RBMS1: variants seen among roughly 807,000 people sequenced by gnomAD.
RBMS1 encodes the protein RNA binding motif single stranded interacting protein 1, also known as RNA-binding motif, single-stranded-interacting protein 1.
A neutral mutation model predicts 62.3 loss-of-function variants in RBMS1; 17 were observed. The ratio of observed to expected loss-of-function variants is 0.27; its 90% confidence interval spans 0.19 to 0.41. The LOEUF is 0.41. RBMS1 is among the 10% of genes least tolerant of loss of function. The probability of loss-of-function intolerance (pLI) is 1.00; values close to 1 mark genes in which losing one functional copy is unlikely to be tolerated. For synonymous variants in RBMS1, 172 were observed against 170.0 expected, an observed-to-expected ratio of 1.01 and a Z score of -0.09; for missense variants, 334 against 504.5, an observed-to-expected ratio of 0.66 and a Z score of 3.24.
At chr2:160,456,071 CAG>C (rs1021986202) in intron 1 of RBMS1, among the ~76,000 whole-genome samples, 25 of 152,246 alleles carry the variant, frequency 1.6e-4, no homozygotes, top group African/African-American at 3.1e-4. Context: ...ACAGATCAAA[CAG>C]GGGAGCAGAG....
rs571344948 is a variant in RBMS1 at position 160,319,586 on chromosome 2, C to T, written c.252-1359G>A. ...TTTAACTTACTCGATGCATCTGAGTCTCACGTTTCCTCATTTACAGTCTAC... is the reference window on the plus strand; with the variant it reads ...TTTAACTTACTCGATGCATCTGAGTTTCACGTTTCCTCATTTACAGTCTAC... On this transcript the variant is annotated intron_variant, in intron 2 of 13. Transcript: ENST00000348849. 4.6e-5 allele frequency among the ~76,000 whole-genome samples: 7 copies of T among 152,336 alleles called. No individual in the cohort carries two copies. The East Asian group carries it at 9.6e-4, about 21-fold the overall frequency.
intron 2 of RBMS1, among the ~76,000 whole-genome samples, chr2:160,365,039 G>A (rs908742605): frequency 1.3e-5 from 2 of 152,072 alleles, no homozygotes; most frequent in Non-Finnish European, 2.9e-5. Flanking sequence ...GCTCTAGCAT[G>A]AGTCCCTTCC....
chr2:160,425,377 TAAAAG>T (rs1214155150), intron 1 of RBMS1, among the ~76,000 whole-genome samples: 3 of 152,214 alleles, frequency 2.0e-5, no homozygotes, highest in Non-Finnish European at 4.4e-5. Context: ...AAAGGCTAAC[TAAAAG>T]AAAACACAAA....
intron 1 of RBMS1, among the ~76,000 whole-genome samples, chr2:160,434,783 C>A (rs1683046566): frequency 6.6e-6 from 1 of 152,206 alleles, no homozygotes; most frequent in Non-Finnish European, 1.5e-5. Context: ...TGGCAATTAT[C>A]TTGCGGCCAG....
chr2:160,400,652 C>A (rs997602875), intron 1 of RBMS1, among the ~76,000 whole-genome samples: 4 of 152,102 alleles, frequency 2.6e-5, no homozygotes, highest in African/African-American at 9.7e-5. Context: ...TATATAGCTA[C>A]GTTTCCCCCT....
At chr2:160,415,608 C>T (rs938150108) in intron 1 of RBMS1, among the ~76,000 whole-genome samples, 2 of 152,206 alleles carry the variant, frequency 1.3e-5, no homozygotes, top group African/African-American at 4.8e-5. Context: ...TAACAGCAAA[C>T]TGTACCCGGG....
At chr2:160,405,815 T>C (rs1235342910) in intron 1 of RBMS1, among the ~76,000 whole-genome samples, 1 of 152,090 alleles carries the variant, frequency 6.6e-6, no homozygotes, top group African/African-American at 2.4e-5. Context: ...CTTTTCCCCA[T>C]TTCAGAGCTA....
intron 1 of RBMS1, among the ~76,000 whole-genome samples, chr2:160,483,884 TCA>T (rs887230182): frequency 1.3e-5 from 2 of 148,864 alleles, no homozygotes; most frequent in East Asian, 1.9e-4. Context: ...CAGCTCTTCA[TCA>T]CAGAGTCTGT....
intron 1 of RBMS1, among the ~76,000 whole-genome samples, chr2:160,476,510 C>T (rs1014109561): frequency 3.3e-5 from 5 of 149,390 alleles, no homozygotes; most frequent in Non-Finnish European, 7.4e-5. Flanking sequence ...CTACTATGTG[C>T]AAAACATTGT....
chr2:160,403,944 C>CAAAGTGA (rs1158533972), intron 1 of RBMS1, among the ~76,000 whole-genome samples: 96 of 152,250 alleles, frequency 6.3e-4, no homozygotes, highest in African/African-American at 2.2e-3. Flanking sequence ...ATCTAAAAGC[C>CAAAGTGA]TTTGAGTATA....
intron 1 of RBMS1, among the ~76,000 whole-genome samples, chr2:160,419,369 ATT>A (rs778433338): frequency 6.6e-6 from 1 of 152,172 alleles, no homozygotes; most frequent in Non-Finnish European, 1.5e-5. Flanking sequence ...ATGAATCATA[ATT>A]TAAGCTTTTA....
chr2:160,447,876 G>A lies in RBMS1; in HGVS notation c.75+45413C>T, dbSNP rs564817664. Among the ~76,000 whole-genome samples the A allele has an allele frequency of 6.8e-4, 104 of 152,348 alleles. 1 individual carries two copies. Among genetic ancestry groups the A allele is most frequent in the Admixed American group, 1.0e-3 (16 of 15,308 alleles). On this transcript the variant is annotated intron_variant, in intron 1 of 13. Transcript: ENST00000348849. ...TGCCCTTGATAACCATGGGGAAGAT[G>A]CAGCCATCTCCTTTCCCCAAGACTC...
At chr2:160,426,301 G>GAAAA (rs1559537559) in intron 1 of RBMS1, among the ~76,000 whole-genome samples, 10 of 28,574 alleles carry the variant, frequency 3.5e-4, no homozygotes, top group Non-Finnish European at 4.9e-4. Context: ...AAAGAAAGAA[G>GAAAA]GAAGGAAGGA....
intron 2 of RBMS1, among the ~76,000 whole-genome samples, chr2:160,319,389 G>A (rs1421708616): frequency 6.6e-6 from 1 of 152,268 alleles, no homozygotes; most frequent in South Asian, 2.1e-4. Flanking sequence ...GTGCATGCCT[G>A]TAGTACCAGC....
chr2:160,388,357 G>A (rs980522859), intron 1 of RBMS1, among the ~76,000 whole-genome samples: 1 of 152,114 alleles, frequency 6.6e-6, no homozygotes, highest in African/African-American at 2.4e-5. Flanking sequence ...TTTTGCCGGC[G>A]ACAGAGGGAC....
At chr2:160,276,820 G>A (rs1687856934) in intron 12 of RBMS1, 1 of 152,334 alleles carries the variant, frequency 6.6e-6, no homozygotes, top group Non-Finnish European at 1.5e-5. Flanking sequence ...TATGTCTGTA[G>A]TATCATTTTA....
intron 1 of RBMS1, among the ~76,000 whole-genome samples, chr2:160,396,957 C>A (rs1695179379): frequency 6.6e-6 from 1 of 152,188 alleles, no homozygotes; most frequent in African/African-American, 2.4e-5. Context: ...AATCTCCATG[C>A]CCCACCCTAT....
chr2:160,388,367 C>A (rs549134895), intron 1 of RBMS1, among the ~76,000 whole-genome samples: 1 of 152,222 alleles, frequency 6.6e-6, no homozygotes, highest in East Asian at 1.9e-4. Context: ...GACAGAGGGA[C>A]CCAATGGTTT....
At chr2:160,432,897 C>T (rs1355795469) in intron 1 of RBMS1, among the ~76,000 whole-genome samples, 2 of 151,660 alleles carry the variant, frequency 1.3e-5, no homozygotes, top group East Asian at 1.9e-4. Context: ...GTTTGGAATT[C>T]GGATATACTA....
Sources: allele counts gnomAD v4.1 joint callset (sites outside exome capture counted in the v4.1 genomes callset), GRCh38; gene constraint gnomAD v4.1.1; transcripts MANE v1.5; gene names NCBI Gene and HGNC (gene_info 2026-07-23, HGNC 2026-07-21).